PRC1: variants seen among roughly 807,000 people sequenced by gnomAD.
PRC1 encodes protein regulator of cytokinesis 1.
Under a neutral mutation model 91.2 loss-of-function variants are expected in PRC1, and 54 were observed. That is an observed-to-expected ratio of 0.59 (90% CI 0.48 to 0.74). The LOEUF (loss-of-function observed/expected upper bound fraction) is 0.74, where lower values mean the gene tolerates loss of function less well. Among genes scored for constraint, PRC1 ranks in the 30% least tolerant of loss-of-function variants. The pLI, the probability that PRC1 is intolerant of heterozygous loss-of-function variation, is 0.00. For missense variants in PRC1, 727 were observed against 746.2 expected, an observed-to-expected ratio of 0.97 and a Z score of 0.30; for synonymous variants, 275 against 263.6, an observed-to-expected ratio of 1.04 and a Z score of -0.42.
chr15:90,982,052 A>C, intron 3 of PRC1, 71 bp from the exon 4 acceptor site: 1 of 1,389,808 alleles, frequency 7.2e-7, no homozygotes, highest in Non-Finnish European at 1.0e-6. Context: ...AGGACAACAT[A>C]AGAAGGCGTG....
At chr15:90,992,035 G>C (rs1306159788) in intron 1 of PRC1, among the ~76,000 whole-genome samples, 1 of 152,060 alleles carries the variant, frequency 6.6e-6, no homozygotes, top group Non-Finnish European at 1.5e-5. Context: ...AACATACCAG[G>C]CGCTATCTCC....
chr15:90,993,589 A>G (rs1236413789), intron 1 of PRC1, among the ~76,000 whole-genome samples: 2 of 152,232 alleles, frequency 1.3e-5, no homozygotes, highest in Non-Finnish European at 1.5e-5. Flanking sequence ...AATAAAGTTA[A>G]TATTTGGAAG....
At position 90,980,970 on chromosome 15, in the gene PRC1, G is replaced by A. The variant is rs1360298825; in HGVS notation, c.736C>T (p.Leu246Phe). The A allele has an allele frequency of 3.1e-6, 5 of 1,614,178 alleles. No individual in the cohort carries two copies. Among genetic ancestry groups the A allele is most frequent in the African/African-American group, 1.3e-5 (1 of 75,044 alleles). ...CEGLRTQIRE[L>F]WDRLQIPEEE... ...TCAGGTATTTGCAACCTGTCCCAGAGCTCTCGGATTTGAGTACGCAGCCCC... is the reference window on the plus strand; with the variant it reads ...TCAGGTATTTGCAACCTGTCCCAGAACTCTCGGATTTGAGTACGCAGCCCC... The change falls in exon 6 of 15, where the codon CTC becomes TTC. Residue 246 changes from leucine (L) to phenylalanine (F), a missense_variant. Transcript: ENST00000394249.
chr15:90,970,528 C>T lies in PRC1; in HGVS notation c.1462-14G>A. On this transcript the variant is annotated splice_polypyrimidine_tract_variant and intron_variant, in intron 11 of 14. Coordinates refer to ENST00000394249, the MANE Select transcript of PRC1 (RefSeq NM_003981.4). ...GGTAGTGTTCAGCTAGGGAGAAGAG[C>T]ACGTGGGTAACTGATGTGCAGTAAC... is the stretch of plus-strand genomic sequence containing the variant. 2.6e-6 allele frequency: 4 copies of T among 1,564,220 alleles called. No homozygotes were observed. The highest frequency in any genetic ancestry group is 3.5e-6 in the Non-Finnish European group (4 of 1,135,206).
chr15:90,979,412 G>A, intron 7 of PRC1, 118 bp from the exon 8 acceptor site: 1 of 1,194,878 alleles, frequency 8.4e-7, no homozygotes, highest in Non-Finnish European at 1.2e-6. Flanking sequence ...AACTGATACA[G>A]GAAGAGGCGT....
chr15:90,993,647 G>A (rs183083277), intron 1 of PRC1, among the ~76,000 whole-genome samples: 65 of 152,316 alleles, frequency 4.3e-4, no homozygotes, highest in African/African-American at 1.5e-3. Context: ...CCGATTTCAA[G>A]TCGGACAGTC....
intron 1 of PRC1, among the ~76,000 whole-genome samples, chr15:90,990,068 G>A (rs1045799252): frequency 6.6e-6 from 1 of 152,076 alleles, no homozygotes; most frequent in African/African-American, 2.4e-5. Context: ...GCCGGGTGCG[G>A]TGGATCACTC....
intron 7 of PRC1, 114 bp downstream of exon 7, chr15:90,980,128 T>A: frequency 7.4e-7 from 1 of 1,349,016 alleles, no homozygotes; most frequent in African/African-American, 1.5e-5. Flanking sequence ...GCCCAACACT[T>A]TGGGAGGCCA....
intron 11 of PRC1, chr15:90,973,921 C>T (rs938900620): frequency 4.9e-5 from 24 of 491,000 alleles, no homozygotes; most frequent in Non-Finnish European, 6.9e-5. Context: ...CTCAAGAGAC[C>T]GGTGCTGGTG....
chr15:90,976,459 G>A (rs1300719985), intron 9 of PRC1, among the ~76,000 whole-genome samples: 2 of 152,064 alleles, frequency 1.3e-5, no homozygotes, highest in African/African-American at 2.4e-5. Flanking sequence ...GATTACAGGC[G>A]TGAGCCACTA....
At chr15:90,987,194 T>C (rs1596326246) in intron 1 of PRC1, among the ~76,000 whole-genome samples, 1 of 151,842 alleles carries the variant, frequency 6.6e-6, no homozygotes, top group Non-Finnish European at 1.5e-5. Flanking sequence ...GGTGGGAGGA[T>C]TGCTTGAGCC....
intron 3 of PRC1, among the ~76,000 whole-genome samples, chr15:90,982,458 TA>T (rs1446722142): frequency 2.0e-5 from 3 of 152,090 alleles, no homozygotes; most frequent in African/African-American, 7.2e-5. Flanking sequence ...ATAGAATGTG[TA>T]AATTGGCAGC....
In PRC1 at chr15:90,966,911, T is replaced by C. The variant is rs1475427090; in HGVS notation, c.*220A>G. The C allele has an allele frequency of 3.5e-6, 2 of 574,540 alleles. No homozygotes were observed. The highest frequency in any genetic ancestry group is 2.1e-5 in the South Asian group (1 of 47,998). 35.6% of individuals were successfully genotyped at this position (574,540 alleles called of 1,614,324 possible). On this transcript the variant is annotated 3_prime_UTR_variant, in exon 15 of 15. Coordinates refer to ENST00000394249, the MANE Select transcript of PRC1 (RefSeq NM_003981.4). ...AAATTTGCACTTCTTGCCATAAACT[T>C]TTCATGTATATAAGTCAAAACCAAG...
intron 1 of PRC1, among the ~76,000 whole-genome samples, chr15:90,988,966 G>A (rs758408736): frequency 1.1e-4 from 16 of 152,098 alleles, no homozygotes; most frequent in Non-Finnish European, 2.2e-4. Flanking sequence ...TAAAGTGATC[G>A]TTTTTCTGAG....
At chr15:90,994,327 C>G in intron 1 of PRC1, 80 bp downstream of exon 1, 9 of 1,604,868 alleles carry the variant, frequency 5.6e-6, no homozygotes, top group East Asian at 2.3e-5. Flanking sequence ...CCGCACGGGT[C>G]CCGCACCCCT....
intron 1 of PRC1, among the ~76,000 whole-genome samples, chr15:90,992,376 T>C (rs1451658278): frequency 6.6e-6 from 1 of 152,250 alleles, no homozygotes; most frequent in South Asian, 2.1e-4. Flanking sequence ...TCCTTGTATA[T>C]AACAAACATT....
chr15:90,979,906 TAC>T (rs2039045433), intron 7 of PRC1, among the ~76,000 whole-genome samples: 1 of 152,256 alleles, frequency 6.6e-6, no homozygotes, highest in African/African-American at 2.4e-5. Flanking sequence ...AGCTAGAGGC[TAC>T]AGTGACATAT....
At chr15:90,977,508 T>C (rs2038823381) in intron 8 of PRC1, among the ~76,000 whole-genome samples, 1 of 152,016 alleles carries the variant, frequency 6.6e-6, no homozygotes, top group Admixed American at 6.6e-5. Context: ...TGGTAGGTAA[T>C]TCATTTCTTG....
chr15:90,968,684 T>A (rs905148423), intron 14 of PRC1: 1 of 1,041,016 alleles, frequency 9.6e-7, no homozygotes, highest in Non-Finnish European at 1.2e-6. Context: ...AGGCATATAC[T>A]CCAGGAAATA....
Sources: allele counts gnomAD v4.1 joint callset (sites outside exome capture counted in the v4.1 genomes callset), GRCh38; gene constraint gnomAD v4.1.1; transcripts MANE v1.5; gene names NCBI Gene and HGNC (gene_info 2026-07-23, HGNC 2026-07-21).